The following UBE2J2 variants were observed in gnomAD, a reference collection of about 807,000 sequenced individuals.
UBE2J2 encodes ubiquitin conjugating enzyme E2 J2.
Under a neutral mutation model 28.6 loss-of-function variants are expected in UBE2J2, and 5 were observed. That is an observed-to-expected ratio of 0.17 (90% CI 0.09 to 0.37). The LOEUF (loss-of-function observed/expected upper bound fraction) is 0.37, where lower values mean the gene tolerates loss of function less well. Ranked by LOEUF, UBE2J2 falls within the 10% of genes least tolerant of loss-of-function variation. The pLI is 1.00. For synonymous variants in UBE2J2, 138 were observed against 139.7 expected (o/e 0.99, Z 0.09); for missense variants, 226 against 338.9 (o/e 0.67, Z 2.62).
chr1:1,258,361 C>T (rs753185235), intron 3 of UBE2J2, among the ~76,000 whole-genome samples: 1 of 152,140 alleles, frequency 6.6e-6, no homozygotes, highest in Non-Finnish European at 1.5e-5. Context: ...TTTCTGACCA[C>T]CCAACGGCAT....
rs1449630894 is a variant in UBE2J2 at position 1,257,315 on chromosome 1, A to G, written c.173-5T>C. On this transcript the variant is annotated splice_polypyrimidine_tract_variant and splice_region_variant and intron_variant, in intron 3 of 6. Transcript: ENST00000349431. ...GTTTTCCATGATAATAGCCACCTAC[A>G]TGGAAACAAAACAGAAAGGGCCTTG... 3.8e-6 allele frequency: 6 copies of G among 1,590,854 alleles called. No individual in the cohort carries two copies. Among genetic ancestry groups the G allele is most frequent in the East Asian group, 4.5e-5 (2 of 44,214 alleles).
chr1:1,267,793 G>C, intron 2 of UBE2J2, 69 bp downstream of exon 2: 2 of 1,590,212 alleles, frequency 1.3e-6, no homozygotes, highest in South Asian at 1.1e-5. Context: ...GGCTCGCCCA[G>C]CAGGGGCCGG....
chr1:1,271,744 G>A (rs897517831), intron 1 of UBE2J2: 2 of 152,176 alleles, frequency 1.3e-5, no homozygotes, highest in African/African-American at 4.8e-5. Flanking sequence ...GGAGGCCCAG[G>A]CAGGCAGATT....
At position 1,268,366 on chromosome 1, in the gene UBE2J2, C is replaced by T. The variant is rs566889546; in HGVS notation, c.1-374G>A. 6.6e-6 allele frequency among the ~76,000 whole-genome samples: 1 copy of T among 152,160 alleles called. No homozygotes were observed. The highest frequency in any genetic ancestry group is 2.4e-5 in the African/African-American group (1 of 41,422). ...GAGGGCAGCTACTCGCACCTTCCAA[C>T]TCAGCTCAAGGACCCCGCACTGATG... On this transcript the variant is annotated intron_variant, in intron 1 of 6. Transcript: ENST00000349431. This position sits in a 1 kb window ranked among gnomAD's most constrained non-coding sequence, Gnocchi z 4.7.
intron 3 of UBE2J2, among the ~76,000 whole-genome samples, chr1:1,258,954 G>GTGCACAAGTGCA (rs1639375874): frequency 6.6e-6 from 1 of 152,268 alleles, no homozygotes; most frequent in East Asian, 1.9e-4. Flanking sequence ...AAGTGCACAA[G>GTGCACAAGTGCA]CCAGGACTCC....
chr1:1,257,676 C>A (rs906014742), intron 3 of UBE2J2, among the ~76,000 whole-genome samples: 2 of 151,878 alleles, frequency 1.3e-5, no homozygotes, highest in Middle Eastern at 3.4e-3. Context: ...AAGAGGCATG[C>A]AGGGCCTCCT....
intron 2 of UBE2J2, chr1:1,263,636 G>C: frequency 2.5e-6 from 1 of 396,716 alleles, no homozygotes; most frequent in African/African-American, 2.0e-5. Context: ...AAGTACCTTT[G>C]TTTCGACAAT....
chr1:1,268,864 C>T lies in UBE2J2; in HGVS notation c.1-872G>A, dbSNP rs113983049. Among the ~76,000 whole-genome samples the T allele has an allele frequency of 2.6e-5, 4 of 151,042 alleles. No homozygotes were observed. The highest frequency in any genetic ancestry group is 9.7e-5 in the African/African-American group (4 of 41,148). ...AGCTAATTTTTTTTTTTTTGTAGAGCTGGGATCTCACTATGTTGCCCAAGG... is the reference window on the plus strand; with the variant it reads ...AGCTAATTTTTTTTTTTTTGTAGAGTTGGGATCTCACTATGTTGCCCAAGG... On this transcript the variant is annotated intron_variant, in intron 1 of 6. Transcript: ENST00000349431. This position sits in a 1 kb window ranked among gnomAD's most constrained non-coding sequence, Gnocchi z 4.7.
chr1:1,266,602 A>G (rs1467672512), intron 2 of UBE2J2, among the ~76,000 whole-genome samples: 1 of 152,032 alleles, frequency 6.6e-6, no homozygotes, highest in Non-Finnish European at 1.5e-5. Context: ...CGGGCGGATC[A>G]CGAGGTCAGG....
intron 3 of UBE2J2, among the ~76,000 whole-genome samples, chr1:1,258,251 C>T (rs1304998248): frequency 6.6e-6 from 1 of 152,032 alleles, no homozygotes; most frequent in African/African-American, 2.4e-5. Context: ...CCGTGTTAGC[C>T]AGGATGGTCT....
intron 3 of UBE2J2, among the ~76,000 whole-genome samples, chr1:1,258,078 C>T (rs1027996476): frequency 1.3e-5 from 2 of 151,676 alleles, no homozygotes; most frequent in Non-Finnish European, 2.9e-5. Context: ...CTTGCTCTGT[C>T]GCCCAGGCTG....
In UBE2J2 at chr1:1,259,958, C is replaced by T. The variant is rs539729323; in HGVS notation, c.173-2648G>A. ...TGTGGCCTCCCGCACGTGTTTCCCT[C>T]GTGTCTCTCTCTTGATCACTAGGGG... is the stretch of plus-strand genomic sequence containing the variant. On this transcript the variant is annotated intron_variant, in intron 3 of 6. Coordinates refer to ENST00000349431, the MANE Select transcript of UBE2J2 (RefSeq NM_058167.3). Among the ~76,000 whole-genome samples, 66 of 152,346 alleles carry T rather than the reference C, an allele frequency of 4.3e-4. No individual in the cohort carries two copies. In the South Asian group the frequency reaches 0.01, roughly 24 times the overall value.
rs957887478 is a variant in UBE2J2 at position 1,268,258 on chromosome 1, G to A, written c.1-266C>T. 9.2e-5 allele frequency among the ~76,000 whole-genome samples: 14 copies of A among 152,092 alleles called. No individual in the cohort carries two copies. The highest frequency in any genetic ancestry group is 5.8e-4 in the East Asian group (3 of 5,188). Reference sequence around the variant, plus strand: ...AAGACGAGGAGAAACCCAAAGCCTCGTTCCTGTCCTCCAAAAACTCACGCA... The same window carrying A: ...AAGACGAGGAGAAACCCAAAGCCTCATTCCTGTCCTCCAAAAACTCACGCA... On this transcript the variant is annotated intron_variant, in intron 1 of 6. Transcript: ENST00000349431. This position sits in a 1 kb window ranked among gnomAD's most constrained non-coding sequence, Gnocchi z 4.7.
intron 2 of UBE2J2, among the ~76,000 whole-genome samples, chr1:1,267,403 T>C (rs1265847918): frequency 1.3e-5 from 2 of 152,194 alleles, no homozygotes; most frequent in Middle Eastern, 6.8e-3. Context: ...CCTAGTCCTG[T>C]CAAATACTCC....
chr1:1,257,407 C>CCCT (rs1553154853), intron 3 of UBE2J2, 97 bp from the exon 4 acceptor site: 1 of 553,958 alleles, frequency 1.8e-6, no homozygotes, highest in African/African-American at 5.7e-5. Context: ...CCCCCCCCCC[C>CCCT]CTCAGCTCGG....
intron 2 of UBE2J2, 130 bp from the exon 3 acceptor site, chr1:1,263,516 G>T: frequency 1.2e-6 from 1 of 825,730 alleles, no homozygotes; most frequent in Non-Finnish European, 2.1e-6. Context: ...ACAAATGAAG[G>T]TGAAATGTCA....
At position 1,255,035 on chromosome 1, in the gene UBE2J2, C is replaced by A; in HGVS notation, c.*168G>T. 1.4e-6 allele frequency: 1 copy of A among 729,092 alleles called. No individual in the cohort carries two copies. The highest frequency in any genetic ancestry group is 2.2e-6 in the Non-Finnish European group (1 of 461,056). 45.2% of individuals were successfully genotyped at this position (729,092 alleles called of 1,614,324 possible). Reference sequence around the variant, plus strand: ...GACAGGGCTGAGGCTCCAGTCTCCTCCAAAGCCCAGTCACACATTTTGGTT... The same window carrying A: ...GACAGGGCTGAGGCTCCAGTCTCCTACAAAGCCCAGTCACACATTTTGGTT... On this transcript the variant is annotated 3_prime_UTR_variant, in exon 7 of 7. Coordinates refer to ENST00000349431, the MANE Select transcript of UBE2J2 (RefSeq NM_058167.3).
intron 3 of UBE2J2, among the ~76,000 whole-genome samples, chr1:1,258,896 G>C (rs1639370322): frequency 6.6e-6 from 1 of 152,276 alleles, no homozygotes; most frequent in African/African-American, 2.4e-5. Context: ...TGCACCTGGA[G>C]TTGGTTGGAA....
In UBE2J2 at chr1:1,256,047, C is replaced by G. The variant is rs763980217; in HGVS notation, c.493G>C (p.Glu165Gln). 7.5e-6 allele frequency: 12 copies of G among 1,609,820 alleles called. No individual in the cohort carries two copies. In the Admixed American group the frequency reaches 1.8e-4, roughly 25 times the overall value. Residue 165 changes from glutamate to glutamine, a missense_variant and splice_region_variant, in exon 6 of 7, where the codon GAG becomes CAG. By Grantham distance (29) the Glu-to-Gln change is conservative. Around this residue, in one of 3 missense-constraint regions of UBE2J2, gnomAD observed 133 missense variants for 161.5 expected, o/e 0.82. Transcript: ENST00000349431. ...VFCELFPEVV[E>Q]EIKQKQKAQD... ...AAACCCACTTCCGTCTTTCTTACCTCCACGACTTCAGGAAATAATTCACAA... is the reference window on the plus strand; with the variant it reads ...AAACCCACTTCCGTCTTTCTTACCTGCACGACTTCAGGAAATAATTCACAA...
Sources: gnomAD v4.1 joint callset for allele counts (sites outside exome capture counted in the v4.1 genomes callset) on GRCh38, gnomAD v4.1.1 for gene constraint, gnomAD v4.1.1 regional missense constraint, Gnocchi (gnomAD v3.1) non-coding constraint, MANE v1.5 for transcripts, NCBI Gene and HGNC (gene_info 2026-07-23, HGNC 2026-07-21) for gene names.